Variants in RARB observed in about 807,000 individuals in gnomAD.
The protein encoded by RARB is retinoic acid receptor beta, also known as HBV-activated protein.
A neutral mutation model predicts 51.9 loss-of-function variants in RARB; 17 were observed. The observed-to-expected ratio is 0.33, with a 90% CI of 0.22 to 0.49. The LOEUF (loss-of-function observed/expected upper bound fraction) is 0.49, where lower values mean the gene tolerates loss of function less well. Ranked by LOEUF, RARB falls within the 20% of genes least tolerant of loss-of-function variation. The pLI is 0.99. For missense variants in RARB, 369 were observed against 550.8 expected, an observed-to-expected ratio of 0.67 and a Z score of 3.30; for synonymous variants, 215 against 195.4, an observed-to-expected ratio of 1.10 and a Z score of -0.84.
intron 2 of RARB, among the ~76,000 whole-genome samples, chr3:25,001,257 C>T (rs979343931): frequency 6.6e-6 from 1 of 151,986 alleles, no homozygotes; most frequent in African/African-American, 2.4e-5. Flanking sequence ...AATATAAAAC[C>T]AGCTGTGGTT....
rs1696221023 is a variant in RARB at position 24,964,895 on chromosome 3, C to T, written c.-379-95230C>T. ...AGGCTGGTGGGAAAGATATTTGTGA[C>T]AGGTTTCTTAGTTCACATCACATAG... On this transcript the variant is annotated intron_variant, in intron 2 of 11. Transcript: ENST00000383772. Among the ~76,000 whole-genome samples, 2 of 152,292 alleles carry T rather than the reference C, an allele frequency of 1.3e-5. 1 individual carries two copies. The highest frequency in any genetic ancestry group is 4.8e-5 in the African/African-American group (2 of 41,570).
rs537018717 is a variant in RARB, at chr3:25,162,356, C to T, written c.-279-11763C>T. On this transcript the variant is annotated intron_variant, in intron 4 of 11. Coordinates refer to the RARB transcript ENST00000383772. The stretch of plus-strand genomic sequence containing the variant: ...ACTCCTGGTCTCAAGTAATCCTCCT[C>T]GCTTGGCCTCTCAAAATGCTAGGAT... Among the ~76,000 whole-genome samples, 35 of 152,264 alleles carry T rather than the reference C, an allele frequency of 2.3e-4. No homozygotes were observed. In the South Asian group the frequency reaches 6.4e-3, roughly 28 times the overall value.
chr3:25,091,166 C>T (rs1699191962), intron 3 of RARB, among the ~76,000 whole-genome samples: 1 of 152,104 alleles, frequency 6.6e-6, no homozygotes, highest in Admixed American at 6.6e-5. Context: ...CTGGGCAAGC[C>T]CACGTCAACT....
At chr3:25,060,834 T>C (rs1698535342) in intron 3 of RARB, among the ~76,000 whole-genome samples, 1 of 151,884 alleles carries the variant, frequency 6.6e-6, no homozygotes, top group Admixed American at 6.6e-5. Flanking sequence ...TGCAGGGTTA[T>C]CTTGAAGATT....
chr3:25,260,123 G>T (rs1405475539), intron 5 of RARB, among the ~76,000 whole-genome samples: 1 of 152,068 alleles, frequency 6.6e-6, no homozygotes, highest in Non-Finnish European at 1.5e-5. Flanking sequence ...TACTGACTCT[G>T]TTCTGAGATC....
chr3:24,978,282 G>A (rs544938260), intron 2 of RARB, among the ~76,000 whole-genome samples: 4 of 152,274 alleles, frequency 2.6e-5, no homozygotes, highest in South Asian at 4.1e-4. Flanking sequence ...ATGAGTTAGG[G>A]AGAATTCCCT....
At chr3:24,936,879 G>C (rs571996749) in intron 2 of RARB, among the ~76,000 whole-genome samples, 31 of 152,200 alleles carry the variant, frequency 2.0e-4, no homozygotes, top group Admixed American at 1.6e-3. Flanking sequence ...AATGGTCTCC[G>C]GTTAATTAAA....
chr3:25,412,712 A>G (rs1354089060), intron 5 of RARB, among the ~76,000 whole-genome samples: 1 of 152,246 alleles, frequency 6.6e-6, no homozygotes, highest in African/African-American at 2.4e-5. Context: ...ACCAGCACTC[A>G]GATCGAGAAA....
intron 5 of RARB, among the ~76,000 whole-genome samples, chr3:25,192,198 C>T (rs1000188652): frequency 1.3e-5 from 2 of 152,068 alleles, no homozygotes; most frequent in Non-Finnish European, 2.9e-5. Flanking sequence ...CTAAGTACAA[C>T]TAAATAACCT....
chr3:24,868,204 TA>T (rs1314132630), intron 2 of RARB, among the ~76,000 whole-genome samples: 1 of 152,194 alleles, frequency 6.6e-6, no homozygotes, highest in Non-Finnish European at 1.5e-5. Flanking sequence ...TAGCCTGTTT[TA>T]AAATCTGTCC....
chr3:25,156,354 T>A (rs1208933339), intron 4 of RARB, among the ~76,000 whole-genome samples: 2 of 152,082 alleles, frequency 1.3e-5, no homozygotes, highest in Non-Finnish European at 2.9e-5. Context: ...CTCATTCATC[T>A]CAACAGAGGC....
At chr3:25,425,146 T>C (rs1707955816), upstream of RARB, among the ~76,000 whole-genome samples, 1 of 152,198 alleles carries the variant, frequency 6.6e-6, no homozygotes. Context: ...AAGAAGATAT[T>C]TGGGAAAGTT....
chr3:25,062,813 G>A (rs1698577541), intron 3 of RARB, among the ~76,000 whole-genome samples: 1 of 151,834 alleles, frequency 6.6e-6, no homozygotes, highest in African/African-American at 2.4e-5. Flanking sequence ...ATTTCTTTTT[G>A]GGAAAAATTA....
At position 24,925,655 on chromosome 3, in the gene RARB, T is replaced by TTAA. The variant is rs775570019; in HGVS notation, c.-380+66903_-380+66904insTAA. 1.5e-3 allele frequency among the ~76,000 whole-genome samples: 156 copies of TTAA among 104,766 alleles called. 1 individual carries two copies. Among genetic ancestry groups the TTAA allele is most frequent in the African/African-American group, 5.5e-3 (140 of 25,350 alleles). The allele number at this position is 104,766 out of a possible 152,430, so 68.7% of individuals were successfully genotyped here. A position where few individuals can be genotyped will look rare whatever the true frequency, so the allele number is the denominator to read the frequency against. ...AGCCAGATCCTGTCTTTTTTTTTTT[T>TTAA]AAAAAAAAAAAAAAAAAAGCTTATA... is the stretch of plus-strand genomic sequence containing the variant. On this transcript the variant is annotated intron_variant, in intron 2 of 11. Coordinates refer to the RARB transcript ENST00000383772.
chr3:25,537,773 T>C (rs1008049929), intron 3 of RARB, among the ~76,000 whole-genome samples: 3 of 152,202 alleles, frequency 2.0e-5, no homozygotes, highest in Non-Finnish European at 4.4e-5. Context: ...AAGTTTTAAC[T>C]ATAATCAAAA....
intron 5 of RARB, among the ~76,000 whole-genome samples, chr3:25,323,267 A>G (rs573604993): frequency 1.4e-4 from 21 of 152,342 alleles, no homozygotes; most frequent in African/African-American, 4.8e-4. Flanking sequence ...GCTCAGAATG[A>G]GGGGAAATAG....
At chr3:25,059,431 T>C (rs1045719281) in intron 2 of RARB, among the ~76,000 whole-genome samples, 1 of 151,794 alleles carries the variant, frequency 6.6e-6, no homozygotes, top group Non-Finnish European at 1.5e-5. Flanking sequence ...ATATGTCCAC[T>C]CTCACCATAC....
At chr3:25,149,560 A>G (rs929431466) in intron 4 of RARB, among the ~76,000 whole-genome samples, 44 of 152,176 alleles carry the variant, frequency 2.9e-4, no homozygotes, top group African/African-American at 9.6e-4. Context: ...CAAGTCCCAC[A>G]TTTTACTCCA....
intron 5 of RARB, among the ~76,000 whole-genome samples, chr3:25,360,022 A>C (rs1006859535): frequency 6.6e-6 from 1 of 152,124 alleles, no homozygotes; most frequent in Admixed American, 6.5e-5. Context: ...TCAAGTCCTG[A>C]ATATCCTTGT....
Sources: allele counts gnomAD v4.1 joint callset (sites outside exome capture counted in the v4.1 genomes callset), GRCh38; gene constraint gnomAD v4.1.1; transcripts MANE v1.5; gene names NCBI Gene and HGNC (gene_info 2026-07-23, HGNC 2026-07-21).